The following AVIL variants were observed in gnomAD, a reference collection of about 807,000 sequenced individuals.
AVIL encodes advillin.
Under a neutral mutation model 109.9 loss-of-function variants are expected in AVIL, and 78 were observed. That is an observed-to-expected ratio of 0.71 (90% CI 0.59 to 0.86). AVIL has a LOEUF of 0.86. Among genes scored for constraint, AVIL ranks in the 40% least tolerant of loss-of-function variants. The pLI, the probability that AVIL is intolerant of heterozygous loss-of-function variation, is 0.00. For missense variants in AVIL, 892 were observed against 1,016.5 expected, an observed-to-expected ratio of 0.88 and a Z score of 1.67; for synonymous variants, 367 against 379.1, an observed-to-expected ratio of 0.97 and a Z score of 0.37.
At chr12:57,804,609 C>G (rs543750065) in intron 14 of AVIL, among the ~76,000 whole-genome samples, 3 of 151,892 alleles carry the variant, frequency 2.0e-5, no homozygotes, top group South Asian at 2.1e-4. Context: ...GTCAGGAGTT[C>G]GAGAGCAGCC....
chr12:57,814,254 T>C, intron 2 of AVIL, 28 bp from the exon 3 acceptor site: 6 of 1,598,316 alleles, frequency 3.8e-6, no homozygotes, highest in East Asian at 2.3e-5. Context: ...GGGTATAGGC[T>C]ACATCCCCTC....
At chr12:57,815,722 C>A in intron 2 of AVIL, 1 of 1,399,904 alleles carries the variant, frequency 7.1e-7, no homozygotes, top group Non-Finnish European at 9.3e-7. Context: ...GAGCAGGTGG[C>A]TGGCTAAAGG....
At chr12:57,805,117 G>A (rs907062774) in intron 14 of AVIL, among the ~76,000 whole-genome samples, 3 of 152,142 alleles carry the variant, frequency 2.0e-5, no homozygotes, top group African/African-American at 7.2e-5. Flanking sequence ...GTACAGTGGC[G>A]CAATCTCGGC....
Position 57,806,536 on chromosome 12 carries a change from C to T in AVIL, c.1495G>A (p.Gly499Arg), listed in dbSNP as rs1565833288. Reference sequence around the variant, plus strand: ...TCGGCATTTCCCTTCCTGGAAGTCCCACCCTAGAGAGAAGAAAAGCAGAGT... The same window carrying T: ...TCGGCATTTCCCTTCCTGGAAGTCCTACCCTAGAGAGAAGAAAAGCAGAGT... Reference protein sequence around the residue: ...FKGKLVIFEGGTSRKGNAEPD... With the variant: ...FKGKLVIFEGRTSRKGNAEPD... The change falls in exon 14 of 20, where the codon GGG becomes AGG. Residue 499 changes from glycine to arginine, a missense_variant. By Grantham distance (125) the Gly-to-Arg change is moderately radical (BLOSUM62 -2). Coordinates refer to ENST00000549994, the MANE Select transcript of AVIL (RefSeq NM_006576.4). The T allele has an allele frequency of 6.2e-7, 1 of 1,613,924 alleles. No individual in the cohort carries two copies. Among genetic ancestry groups the T allele is most frequent in the Non-Finnish European group, 8.5e-7 (1 of 1,179,940 alleles).
Position 57,818,705 on chromosome 12 carries a change from A to G in AVIL, c.-96T>C, listed in dbSNP as rs959979842. On this transcript the variant is annotated 5_prime_UTR_variant, in exon 1 of 20. Transcript: ENST00000549994. ...CAGTATTGAAGAACCACTCCAAAGCAGGAGGCTCCAGGTCCTGCTGCCTTA... is the reference window on the plus strand; with the variant it reads ...CAGTATTGAAGAACCACTCCAAAGCGGGAGGCTCCAGGTCCTGCTGCCTTA... 3.9e-5 allele frequency: 6 copies of G among 152,226 alleles called. No homozygotes were observed. The highest frequency in any genetic ancestry group is 1.4e-4 in the African/African-American group (6 of 41,468). 9.4% of individuals were successfully genotyped at this position (152,226 alleles called of 1,614,324 possible). A position where few individuals can be genotyped will look rare whatever the true frequency, so the allele number is the denominator to read the frequency against.
chr12:57,800,067 G>C, intron 18 of AVIL, 147 bp from the exon 19 acceptor site: 2 of 1,086,870 alleles, frequency 1.8e-6, no homozygotes, highest in Middle Eastern at 4.4e-4. Context: ...CCCAAACCTG[G>C]CTGCATGTCA....
intron 17 of AVIL, chr12:57,801,540 G>A (rs2140438475): frequency 1.0e-5 from 2 of 196,750 alleles, no homozygotes; most frequent in South Asian, 1.8e-4. Context: ...AGGGGTTCAA[G>A]ACTAGCCTGA....
At chr12:57,802,651 A>G in intron 16 of AVIL, 1 of 665,194 alleles carries the variant, frequency 1.5e-6, no homozygotes, top group South Asian at 1.6e-5. Context: ...GCACCTTAAA[A>G]ATAACACCTT....
intron 16 of AVIL, 36 bp downstream of exon 16, chr12:57,803,211 C>G: frequency 6.2e-7 from 1 of 1,613,000 alleles, no homozygotes; most frequent in Non-Finnish European, 8.5e-7. Context: ...CTGTGGGAGT[C>G]TTTCTCATGT....
chr12:57,808,974 A>G (rs747733548), intron 9 of AVIL: 1 of 188,078 alleles, frequency 5.3e-6, no homozygotes, highest in Admixed American at 5.5e-5. Context: ...CCTTTTATTC[A>G]GCAGGTACTG....
At chr12:57,799,306 G>A (rs1441490664) in intron 19 of AVIL, among the ~76,000 whole-genome samples, 2 of 152,208 alleles carry the variant, frequency 1.3e-5, no homozygotes, top group Non-Finnish European at 2.9e-5. Context: ...CAAAGCAGCC[G>A]CTGTACTGGC....
chr12:57,804,820 C>T (rs911039361), intron 14 of AVIL, among the ~76,000 whole-genome samples: 8 of 144,542 alleles, frequency 5.5e-5, no homozygotes, highest in Non-Finnish European at 1.1e-4. Flanking sequence ...AAAAAAAAAA[C>T]AAAAAAAAAA....
intron 14 of AVIL, 86 bp from the exon 15 acceptor site, chr12:57,803,755 A>G: frequency 2.0e-6 from 3 of 1,525,636 alleles, no homozygotes; most frequent in Non-Finnish European, 2.7e-6. Flanking sequence ...CTAATAACTC[A>G]GTGTGCCAGG....
intron 11 of AVIL, 113 bp downstream of exon 11, chr12:57,808,081 C>T (rs1476797288): frequency 6.4e-6 from 8 of 1,250,012 alleles, no homozygotes; most frequent in African/African-American, 5.9e-5. Flanking sequence ...CCTGAGGTGC[C>T]GGAGGGGAAA....
At chr12:57,798,300 C>A (rs1955776706) in intron 19 of AVIL, among the ~76,000 whole-genome samples, 1 of 152,172 alleles carries the variant, frequency 6.6e-6, no homozygotes, top group South Asian at 2.1e-4. Flanking sequence ...TTACAGACAT[C>A]AAATTTTGGC....
chr12:57,809,829 C>T lies in AVIL; in HGVS notation c.823G>A (p.Asp275Asn). The T allele has an allele frequency of 6.2e-7, 1 of 1,614,206 alleles. No individual in the cohort carries two copies. The highest frequency in any genetic ancestry group is 8.5e-7 in the Non-Finnish European group (1 of 1,180,038). Reference protein sequence around the residue: ...TEVATRPLVQDLLNHDDCYIL... With the variant: ...TEVATRPLVQNLLNHDDCYIL... ...CTACTTACATCATGGTTCAGTAAGT[C>T]CTGGACCAGAGGCCTTGTTGCTACC... Residue 275 changes from aspartate to asparagine, a missense_variant, in exon 8 of 20, where the codon GAC becomes AAC. Transcript: ENST00000549994.
Position 57,816,077 on chromosome 12 carries a change from A to G in AVIL, c.-19-18T>C. ...TTCCAGGACTGAAACATCACAGAACAAGAGGGGAGATGATATCTCTTGCCA... is the reference window on the plus strand; with the variant it reads ...TTCCAGGACTGAAACATCACAGAACGAGAGGGGAGATGATATCTCTTGCCA... On this transcript the variant is annotated intron_variant, in intron 1 of 19. Coordinates refer to ENST00000549994, the MANE Select transcript of AVIL (RefSeq NM_006576.4). 1 of 1,581,752 alleles carries G rather than the reference A, an allele frequency of 6.3e-7. No individual in the cohort carries two copies. The highest frequency in any genetic ancestry group is 1.7e-4 in the Middle Eastern group (1 of 5,910).
chr12:57,800,078 G>A (rs1023889711), intron 18 of AVIL, 158 bp from the exon 19 acceptor site: 18 of 966,938 alleles, frequency 1.9e-5, no homozygotes, highest in Non-Finnish European at 2.7e-5. Flanking sequence ...CTGCATGTCA[G>A]AATCATCTGG....
chr12:57,801,035 G>A (rs1297460007), intron 18 of AVIL, 109 bp downstream of exon 18: 2 of 840,374 alleles, frequency 2.4e-6, no homozygotes, highest in African/African-American at 1.7e-5. Flanking sequence ...AGACAACTAT[G>A]GTAATACTAA....
Sources: gnomAD v4.1 joint callset for allele counts (sites outside exome capture counted in the v4.1 genomes callset) on GRCh38, gnomAD v4.1.1 for gene constraint, MANE v1.5 for transcripts, NCBI Gene and HGNC (gene_info 2026-07-23, HGNC 2026-07-21) for gene names.